The following THNSL1 variants were observed in gnomAD, a reference collection of about 807,000 sequenced individuals.
The protein encoded by THNSL1 is threonine synthase-like 1.
A neutral mutation model predicts 50.4 loss-of-function variants in THNSL1; 48 were observed. That is an observed-to-expected ratio of 0.95 (90% confidence interval 0.76 to 1.21). The LOEUF (loss-of-function observed/expected upper bound fraction) is 1.21. Ranked by LOEUF, THNSL1 falls within the 50% of genes most tolerant of loss-of-function variation. The pLI is 0.00. For missense variants in THNSL1, 896 were observed against 871.7 expected (o/e 1.03, Z -0.35); for synonymous variants, 309 against 306.1 (o/e 1.01, Z -0.10).
chr10:25,014,074 C>G (rs1314928540), upstream of THNSL1, among the ~76,000 whole-genome samples: 1 of 152,152 alleles, frequency 6.6e-6, no homozygotes, highest in East Asian at 1.9e-4. Context: ...GCTTTCATAA[C>G]TTAAGTCTCA....
the THNSL1 span, chr10:24,990,405 C>A: frequency 1.3e-6 from 2 of 1,552,906 alleles, no homozygotes; most frequent in Non-Finnish European, 8.7e-7. Context: ...GATGGTACAC[C>A]TTTCTTTCAG....
chr10:25,018,091 T>G (rs917642709), intron 1 of THNSL1, among the ~76,000 whole-genome samples: 1 of 152,212 alleles, frequency 6.6e-6, no homozygotes, highest in African/African-American at 2.4e-5. Context: ...ATAAAATAAT[T>G]TCACTGATGT....
chr10:24,996,449 T>C, the THNSL1 span, among the ~76,000 whole-genome samples: 1 of 148,628 alleles, frequency 6.7e-6, no homozygotes, highest in Non-Finnish European at 1.5e-5. Flanking sequence ...TGTGTGTGTG[T>C]GTGTGTGTAT....
the THNSL1 span, among the ~76,000 whole-genome samples, chr10:24,977,466 C>A: frequency 6.6e-6 from 1 of 152,258 alleles, no homozygotes; most frequent in East Asian, 1.9e-4. Flanking sequence ...CTAATACAAT[C>A]AACAAGTGCA....
At chr10:24,980,667 T>C in the THNSL1 span, among the ~76,000 whole-genome samples, 2 of 152,120 alleles carry the variant, frequency 1.3e-5, no homozygotes, top group African/African-American at 2.4e-5. Flanking sequence ...AAATAAATTT[T>C]TTTTCTCTTG....
chr10:25,024,920 T>G lies in THNSL1; in HGVS notation c.1697T>G (p.Ile566Ser), dbSNP rs750383024. The part of the protein sequence containing the change: ...LAQTFSPSID[I>S]LKSSNLERHL... The stretch of plus-strand genomic sequence containing the variant: ...CAAACCTTTTCACCGTCAATAGATA[T>G]TCTCAAATCTTCAAACCTAGAACGA... The change falls in exon 3 of 3, where the codon ATT becomes AGT. Residue 566 changes from isoleucine (I) to serine (S), a missense_variant. By Grantham distance (142) the Ile-to-Ser change is moderately radical. Coordinates refer to ENST00000376356, the MANE Select transcript of THNSL1 (RefSeq NM_024838.5). The G allele has an allele frequency of 1.2e-6, 2 of 1,613,770 alleles. No individual in the cohort carries two copies. Among genetic ancestry groups the G allele is most frequent in the Non-Finnish European group, 1.7e-6 (2 of 1,180,018 alleles).
chr10:25,023,094 C>T, intron 2 of THNSL1, 82 bp from the exon 3 acceptor site: 2 of 835,512 alleles, frequency 2.4e-6, no homozygotes, highest in Non-Finnish European at 3.7e-6. Context: ...TATATTCAGT[C>T]CTATTGGGAT....
At chr10:24,989,008 T>C in the THNSL1 span, among the ~76,000 whole-genome samples, 1 of 151,988 alleles carries the variant, frequency 6.6e-6, no homozygotes, top group African/African-American at 2.4e-5. Context: ...AGGGTAACTC[T>C]GTAGCGACCG....
At position 25,024,981 on chromosome 10, in the gene THNSL1, A is replaced by G. The variant is rs764874288; in HGVS notation, c.1758A>G (p.Leu586=). ...TGATGGCTAATAAAGATGGACAGCT[A>G]ATGACAGAATTATTTAATCGATTAG... ...LHLMANKDGQ[L]MTELFNRLES... The change falls in exon 3 of 3, where the codon CTA becomes CTG. Residue 586 remains leucine, a synonymous_variant. Transcript: ENST00000376356. The G allele has an allele frequency of 6.2e-6, 10 of 1,614,226 alleles. No homozygotes were observed. The highest frequency in any genetic ancestry group is 1.3e-5 in the African/African-American group (1 of 75,068).
chr10:24,965,843 A>G, the THNSL1 span, among the ~76,000 whole-genome samples: 1 of 152,254 alleles, frequency 6.6e-6, no homozygotes, highest in Non-Finnish European at 1.5e-5. Flanking sequence ...ATGAGAATAC[A>G]TCAAATACAA....
At chr10:25,010,053 G>A in the THNSL1 span, among the ~76,000 whole-genome samples, 711 of 152,298 alleles carry the variant, frequency 4.7e-3, 27 homozygotes, top group East Asian at 2.7e-3. Context: ...TGGGTAACAG[G>A]CAGAGGTTGG....
chr10:24,981,956 A>G, the THNSL1 span: 1 of 152,350 alleles, frequency 6.6e-6, no homozygotes, highest in East Asian at 1.9e-4. Context: ...TGTCATGATA[A>G]TAATATCAAG....
the THNSL1 span, among the ~76,000 whole-genome samples, chr10:24,970,485 A>G: frequency 0.044 from 6,724 of 151,420 alleles, 390 homozygotes; most frequent in African/African-American, 0.13. Context: ...AGAGGCAGGA[A>G]GATCACTTGA....
the THNSL1 span, among the ~76,000 whole-genome samples, chr10:24,985,226 G>C: frequency 6.6e-6 from 1 of 152,160 alleles, no homozygotes; most frequent in African/African-American, 2.4e-5. Flanking sequence ...CACAGCAAAT[G>C]CATGGGTAAA....
At chr10:25,003,000 T>C in the THNSL1 span, among the ~76,000 whole-genome samples, 1 of 152,058 alleles carries the variant, frequency 6.6e-6, no homozygotes, top group African/African-American at 2.4e-5. Flanking sequence ...TGTAGGTATA[T>C]GAACTGAAAG....
At chr10:24,964,470 A>G in the THNSL1 span, among the ~76,000 whole-genome samples, 2 of 152,262 alleles carry the variant, frequency 1.3e-5, no homozygotes, top group Non-Finnish European at 2.9e-5. Context: ...ATAGAGAAAC[A>G]TAAGTTAAAT....
At chr10:24,994,306 G>T in the THNSL1 span, among the ~76,000 whole-genome samples, 1 of 138,652 alleles carries the variant, frequency 7.2e-6, no homozygotes, top group African/African-American at 2.7e-5. Context: ...TCTTCTTGAT[G>T]CAACTTATTA....
chr10:24,958,022 T>C, the THNSL1 span, among the ~76,000 whole-genome samples: 1 of 152,192 alleles, frequency 6.6e-6, no homozygotes, highest in Non-Finnish European at 1.5e-5. Context: ...CTTTTGTCAA[T>C]ACAAATCTGT....
intron 1 of THNSL1, among the ~76,000 whole-genome samples, chr10:25,019,299 C>T (rs1432689392): frequency 1.3e-5 from 2 of 152,126 alleles, no homozygotes; most frequent in Non-Finnish European, 2.9e-5. Flanking sequence ...CATGGCGAAA[C>T]CCCCTCTCTA....
Sources: allele counts gnomAD v4.1 joint callset (sites outside exome capture counted in the v4.1 genomes callset), GRCh38; gene constraint gnomAD v4.1.1; transcripts MANE v1.5; gene names NCBI Gene and HGNC (gene_info 2026-07-23, HGNC 2026-07-21).